LDLRAD4: variants seen among roughly 807,000 people sequenced by gnomAD.
The protein encoded by LDLRAD4 is low-density lipoprotein receptor class A domain-containing protein 4.
LDLRAD4 carries 5 observed loss-of-function variants against 17.0 expected under a neutral mutation model. The observed-to-expected ratio is 0.29, with a 90% confidence interval of 0.15 to 0.62. The LOEUF is 0.62. Ranked by LOEUF, LDLRAD4 falls within the 20% of genes least tolerant of loss-of-function variation. LDLRAD4 has a pLI of 0.84. For missense variants in LDLRAD4, 340 were observed against 424.7 expected (o/e 0.80, Z 1.75); for synonymous variants, 168 against 171.8 (o/e 0.98, Z 0.17).
At chr18:13,234,976 A>G (rs1402430657) in intron 1 of LDLRAD4, 1 of 152,138 alleles carries the variant, frequency 6.6e-6, no homozygotes, top group East Asian at 1.9e-4. Flanking sequence ...TTAGGTTGGC[A>G]CGGTGGCTTA....
intron 1 of LDLRAD4, among the ~76,000 whole-genome samples, chr18:13,325,143 C>T (rs756688646): frequency 7.9e-5 from 12 of 152,270 alleles, no homozygotes; most frequent in Admixed American, 2.6e-4. Flanking sequence ...TGGGGAGACA[C>T]GTGGCCTTCT....
At chr18:13,225,644 C>G (rs2041743561) in intron 1 of LDLRAD4, among the ~76,000 whole-genome samples, 1 of 152,138 alleles carries the variant, frequency 6.6e-6, no homozygotes, top group South Asian at 2.1e-4. Flanking sequence ...ATAACGTTTT[C>G]TTTTCCTGAT....
intron 2 of LDLRAD4, among the ~76,000 whole-genome samples, chr18:13,397,957 C>T (rs1357189724): frequency 6.6e-6 from 1 of 152,196 alleles, no homozygotes; most frequent in African/African-American, 2.4e-5. Context: ...CAGGTGCTTT[C>T]GCATATGTGG....
intron 1 of LDLRAD4, among the ~76,000 whole-genome samples, chr18:13,237,423 A>C (rs1042579434): frequency 6.6e-6 from 1 of 152,170 alleles, no homozygotes; most frequent in African/African-American, 2.4e-5. Context: ...CTTAGTACCA[A>C]GGAAGGTTCT....
chr18:13,505,082 G>A (rs975117833), intron 3 of LDLRAD4, among the ~76,000 whole-genome samples: 1 of 152,202 alleles, frequency 6.6e-6, no homozygotes, highest in Non-Finnish European at 1.5e-5. Flanking sequence ...CTGGCATGCT[G>A]TGGGGGCTCT....
chr18:13,570,469 G>A (rs897598233), intron 3 of LDLRAD4, among the ~76,000 whole-genome samples: 4 of 152,192 alleles, frequency 2.6e-5, no homozygotes, highest in South Asian at 2.1e-4. Context: ...GCTTCCAGGC[G>A]CCTCCTGCCC....
chr18:13,517,890 C>T (rs1171014998), intron 3 of LDLRAD4, among the ~76,000 whole-genome samples: 1 of 152,198 alleles, frequency 6.6e-6, no homozygotes. Context: ...AGGCGCCCGC[C>T]ACCACGCCTG....
intron 3 of LDLRAD4, among the ~76,000 whole-genome samples, chr18:13,555,557 A>C (rs1196111216): frequency 1.3e-5 from 2 of 152,162 alleles, no homozygotes; most frequent in Non-Finnish European, 2.9e-5. Flanking sequence ...TTTTCATTGT[A>C]AAATGGGCTA....
chr18:13,284,012 C>T (rs779557417), intron 1 of LDLRAD4, among the ~76,000 whole-genome samples: 6 of 152,154 alleles, frequency 3.9e-5, no homozygotes, highest in Admixed American at 6.5e-5. Context: ...GAAAGGCCCT[C>T]ATAATTCAAT....
intron 3 of LDLRAD4, among the ~76,000 whole-genome samples, chr18:13,505,558 G>A (rs1036263232): frequency 2.6e-5 from 4 of 152,316 alleles, no homozygotes; most frequent in South Asian, 2.1e-4. Context: ...GGTGGCTCAC[G>A]CCTGTAATCC....
intron 3 of LDLRAD4, among the ~76,000 whole-genome samples, chr18:13,580,089 C>T (rs1160732249): frequency 6.6e-6 from 1 of 152,222 alleles, no homozygotes; most frequent in African/African-American, 2.4e-5. Context: ...CTCATTTCCA[C>T]TGACACTTCT....
intron 1 of LDLRAD4, among the ~76,000 whole-genome samples, chr18:13,333,762 A>G (rs1028153380): frequency 2.0e-5 from 3 of 152,048 alleles, no homozygotes; most frequent in Non-Finnish European, 4.4e-5. Context: ...CTCTTGTTCT[A>G]TTTGTCTATT....
chr18:13,288,928 A>G (rs1308837624), intron 1 of LDLRAD4, among the ~76,000 whole-genome samples: 1 of 152,232 alleles, frequency 6.6e-6, no homozygotes, highest in African/African-American at 2.4e-5. Flanking sequence ...CACTTAAAAC[A>G]CCACCTAGGA....
intron 1 of LDLRAD4, among the ~76,000 whole-genome samples, chr18:13,363,527 A>G (rs1442446596): frequency 6.6e-6 from 1 of 152,170 alleles, no homozygotes; most frequent in Non-Finnish European, 1.5e-5. Flanking sequence ...AACAAAGCCA[A>G]ACCTGTTATG....
chr18:13,265,398 C>T (rs1047346283), intron 1 of LDLRAD4, among the ~76,000 whole-genome samples: 3 of 152,154 alleles, frequency 2.0e-5, no homozygotes, highest in African/African-American at 4.8e-5. Context: ...TCAGTTCCTC[C>T]GGGGACACTC....
At chr18:13,457,074 C>T (rs911783403) in intron 3 of LDLRAD4, among the ~76,000 whole-genome samples, 5 of 152,238 alleles carry the variant, frequency 3.3e-5, no homozygotes, top group African/African-American at 1.2e-4. Flanking sequence ...GCAGTGGACA[C>T]CTGCTGTAGT....
intron 1 of LDLRAD4, chr18:13,241,810 C>T (rs2042666930): frequency 6.6e-6 from 1 of 152,272 alleles, no homozygotes; most frequent in Admixed American, 6.5e-5. Context: ...GGGTCCTGCG[C>T]CGTAATTACT....
intron 4 of LDLRAD4, among the ~76,000 whole-genome samples, chr18:13,634,931 A>C (rs184207088): frequency 6.6e-6 from 1 of 152,316 alleles, no homozygotes; most frequent in Admixed American, 6.5e-5. Flanking sequence ...AAACCCTCAA[A>C]TATATGGTCA....
At chr18:13,240,285 C>T (rs12968748) in intron 1 of LDLRAD4, 75,946 of 152,052 alleles carry the variant, frequency 0.5, 20,391 homozygotes, top group African/African-American at 0.71. Flanking sequence ...CAGCCCTTGG[C>T]CCCAAAGGAG....
Sources: allele counts gnomAD v4.1 joint callset (sites outside exome capture counted in the v4.1 genomes callset), GRCh38; gene constraint gnomAD v4.1.1; transcripts MANE v1.5; gene names NCBI Gene and HGNC (gene_info 2026-07-23, HGNC 2026-07-21).